CCAR2: variants seen among roughly 807,000 people sequenced by gnomAD.
CCAR2 encodes cell cycle and apoptosis regulator protein 2.
Under a neutral mutation model 108.1 loss-of-function variants are expected in CCAR2, and 21 were observed. The ratio of observed to expected loss-of-function variants is 0.19; its 90% CI spans 0.14 to 0.28. The LOEUF is 0.28. CCAR2 is among the 10% of genes least tolerant of loss of function. CCAR2 has a pLI of 1.00. For synonymous variants in CCAR2, 577 were observed against 472.8 expected (o/e 1.22, Z -2.86); for missense variants, 1,126 against 1,177.0 (o/e 0.96, Z 0.63).
At position 22,620,326 on chromosome 8, in the gene CCAR2, G is replaced by A. The variant is rs1053032062; in HGVS notation, c.*644G>A. Reference sequence around the variant, plus strand: ...GCTCCTGTGTTCAGAATGTGGTATTGGCTCTGGCCCAGCCTTCTCCCCTGT... The same window carrying A: ...GCTCCTGTGTTCAGAATGTGGTATTAGCTCTGGCCCAGCCTTCTCCCCTGT... On this transcript the variant is annotated 3_prime_UTR_variant, in exon 21 of 21. Transcript: ENST00000308511. 1 of 152,516 alleles carries A rather than the reference G, an allele frequency of 6.6e-6. No individual in the cohort carries two copies. Among genetic ancestry groups the A allele is most frequent in the Non-Finnish European group, 1.5e-5 (1 of 68,094 alleles). The allele number at this position is 152,516 out of a possible 1,614,324, so 9.4% of individuals were successfully genotyped here. A position where few individuals can be genotyped will look rare whatever the true frequency, so the allele number is the denominator to read the frequency against.
In CCAR2 at chr8:22,620,347, C is replaced by G. The variant is rs1563933660; in HGVS notation, c.*665C>G. ...TATTGGCTCTGGCCCAGCCTTCTCC[C>G]CTGTTACCCATAATTCTTGCCTCTT... On this transcript the variant is annotated 3_prime_UTR_variant, in exon 21 of 21. Coordinates refer to ENST00000308511, the MANE Select transcript of CCAR2 (RefSeq NM_001393997.1). 6.6e-6 allele frequency: 1 copy of G among 152,464 alleles called. No homozygotes were observed. Among genetic ancestry groups the G allele is most frequent in the African/African-American group, 2.4e-5 (1 of 41,406 alleles). The allele number at this position is 152,464 out of a possible 1,614,324, so 9.4% of individuals were successfully genotyped here. A position where few individuals can be genotyped will look rare whatever the true frequency, so the allele number is the denominator to read the frequency against.
chr8:22,609,042 CTTT>C (rs976239965), intron 7 of CCAR2, among the ~76,000 whole-genome samples: 9 of 134,872 alleles, frequency 6.7e-5, no homozygotes, highest in Non-Finnish European at 1.5e-4. Context: ...ACCCTTAACC[CTTT>C]TTTTTTCTTT....
chr8:22,607,826 A>G (rs1195503238), intron 6 of CCAR2, 143 bp from the exon 7 acceptor site: 3 of 655,808 alleles, frequency 4.6e-6, no homozygotes, highest in African/African-American at 1.8e-5. Flanking sequence ...GGGTTTCACC[A>G]TGTTCGCCAG....
At chr8:22,608,674 C>T (rs1801169036) in intron 7 of CCAR2, among the ~76,000 whole-genome samples, 1 of 152,212 alleles carries the variant, frequency 6.6e-6, no homozygotes, top group African/African-American at 2.4e-5. Flanking sequence ...GCTGTCCCGT[C>T]TTCTCTCCAG....
chr8:22,617,845 T>G, intron 16 of CCAR2, 67 bp downstream of exon 16: 1 of 1,511,756 alleles, frequency 6.6e-7, no homozygotes, highest in Non-Finnish European at 9.2e-7. Flanking sequence ...TCTGGCCCAC[T>G]CCTGGGAGAA....
chr8:22,612,237 G>A (rs1347369827), intron 7 of CCAR2, among the ~76,000 whole-genome samples: 6 of 151,842 alleles, frequency 4.0e-5, no homozygotes, highest in Non-Finnish European at 5.9e-5. Context: ...GTGAGCCACC[G>A]CGCCCAGCCT....
At chr8:22,618,305 A>C in intron 16 of CCAR2, 44 bp from the exon 17 acceptor site, 1 of 1,613,296 alleles carries the variant, frequency 6.2e-7, no homozygotes, top group Non-Finnish European at 8.5e-7. Flanking sequence ...AGAGCCACTG[A>C]GGGAACTATT....
intron 14 of CCAR2, chr8:22,616,608 G>A (rs1025231302): frequency 1.9e-4 from 50 of 266,598 alleles, no homozygotes; most frequent in African/African-American, 1.1e-3. Flanking sequence ...ATGAGGTCAG[G>A]AGTTTGAGAC....
chr8:22,615,997 C>T lies in CCAR2; in HGVS notation c.1609-15C>T, dbSNP rs1480789480. The T allele has an allele frequency of 6.2e-7, 1 of 1,613,570 alleles. No individual in the cohort carries two copies. The highest frequency in any genetic ancestry group is 1.3e-5 in the African/African-American group (1 of 74,990). On this transcript the variant is annotated splice_polypyrimidine_tract_variant and intron_variant, in intron 13 of 20. Coordinates refer to ENST00000308511, the MANE Select transcript of CCAR2 (RefSeq NM_001393997.1). ...TTCTTCCTGATGCTCATGGACCCTC[C>T]CACCTCCCCATCAGGTGATGGTGCT...
At chr8:22,620,569 A>G (rs1801748426), downstream of CCAR2, 1 of 152,218 alleles carries the variant, frequency 6.6e-6, no homozygotes, top group African/African-American at 2.4e-5. Context: ...AGTTCGCTCC[A>G]GAAGGTGGGC....
Position 22,615,743 on chromosome 8 carries a change from G to T in CCAR2, c.1439G>T (p.Arg480Leu), listed in dbSNP as rs201915098. ...GAGCAAGCAGCAGACACTTCTAGAC[G>T]GAACGCAGAAACTCCAGAGGCCACC... is the stretch of plus-strand genomic sequence containing the variant. ...ALEQAADTSR[R>L]NAETPEATTQ... The change falls in exon 13 of 21, where the codon CGG (arginine) becomes CTG (leucine). Residue 480 changes from arginine (R) to leucine (L), a missense_variant. Physicochemically the swap from Arg to Leu is moderately radical, Grantham distance 102. This residue lies in a region of CCAR2 where 1,013 missense variants were observed against 993.9 expected (regional missense o/e 1.02). Coordinates refer to ENST00000308511, the MANE Select transcript of CCAR2 (RefSeq NM_001393997.1). The T allele has an allele frequency of 1.9e-6, 3 of 1,613,794 alleles. No individual in the cohort carries two copies. The highest frequency in any genetic ancestry group is 2.2e-5 in the East Asian group (1 of 44,866).
chr8:22,615,367 G>A (rs1801458706), intron 11 of CCAR2, 58 bp from the exon 12 acceptor site: 2 of 1,568,020 alleles, frequency 1.3e-6, no homozygotes, highest in South Asian at 1.2e-5. Context: ...GCCTGTGAAC[G>A]TGGTGTCTGC....
At chr8:22,607,159 A>G in intron 5 of CCAR2, 37 bp from the exon 6 acceptor site, 1 of 1,612,310 alleles carries the variant, frequency 6.2e-7, no homozygotes, top group Middle Eastern at 1.7e-4. Flanking sequence ...TGCCTCAACC[A>G]TGGGGTCCCC....
Position 22,618,872 on chromosome 8 carries a change from G to T in CCAR2, c.2378G>T (p.Gly793Val), listed in dbSNP as rs200099711. Residue 793 changes from glycine (G) to valine (V), a missense_variant, in exon 19 of 21, where the codon GGT becomes GTT. By Grantham distance (109) the Gly-to-Val change is moderately radical. Transcript: ENST00000308511. ...LPPPGKSTKPGAAPTEHKALV... is the reference protein window; with the variant it reads ...LPPPGKSTKPVAAPTEHKALV... ...CCTCCTGGGAAAAGCACGAAGCCAG[G>T]TGCTGCCCCCACAGAACACAAAGCC... The T allele has an allele frequency of 1.4e-5, 22 of 1,614,026 alleles. No individual in the cohort carries two copies. Among genetic ancestry groups the T allele is most frequent in the Non-Finnish European group, 1.9e-5 (22 of 1,180,040 alleles).
At position 22,606,627 on chromosome 8, in the gene CCAR2, C is replaced by G; in HGVS notation, c.171C>G (p.Val57=). ...RHLQGGEKQR[V]FTGIVTSLHD... Reference sequence around the variant, plus strand: ...TACAGGGTGGGGAGAAACAGCGGGTCTTCACTGGTATTGTTACCAGCTTGC... The same window carrying G: ...TACAGGGTGGGGAGAAACAGCGGGTGTTCACTGGTATTGTTACCAGCTTGC... Residue 57 remains valine (V), a synonymous_variant, in exon 4 of 21, where the codon GTC becomes GTG. Transcript: ENST00000308511. The G allele has an allele frequency of 6.2e-7, 1 of 1,614,114 alleles. No individual in the cohort carries two copies. Among genetic ancestry groups the G allele is most frequent in the Non-Finnish European group, 8.5e-7 (1 of 1,179,958 alleles).
chr8:22,618,661 G>T lies in CCAR2; in HGVS notation c.2265G>T (p.Gln755His). The T allele has an allele frequency of 6.2e-7, 1 of 1,614,120 alleles. No individual in the cohort carries two copies. The highest frequency in any genetic ancestry group is 1.1e-5 in the South Asian group (1 of 91,086). Residue 755 changes from glutamine (Q) to histidine (H), a missense_variant, in exon 18 of 21, where the codon CAG becomes CAT. This residue lies in a region of CCAR2 where 1,013 missense variants were observed against 993.9 expected (regional missense o/e 1.02). Coordinates refer to ENST00000308511, the MANE Select transcript of CCAR2 (RefSeq NM_001393997.1). ...VSRVVTQNIC[Q>H]YRSLQYSRQE... ...GGGTGGTGACCCAGAACATCTGCCA[G>T]TACCGGAGCCTTCAGTACAGCCGCC...
In CCAR2 at chr8:22,615,710, A is replaced by C. The variant is rs1801475333; in HGVS notation, c.1406A>C (p.Asp469Ala). 1.2e-6 allele frequency: 2 copies of C among 1,613,694 alleles called. No individual in the cohort carries two copies. Among genetic ancestry groups the C allele is most frequent in the East Asian group, 4.5e-5 (2 of 44,878 alleles). ...ACGGAGCCTACTGAACAGGCACCTGATGCCTTGGAGCAAGCAGCAGACACT... is the reference window on the plus strand; with the variant it reads ...ACGGAGCCTACTGAACAGGCACCTGCTGCCTTGGAGCAAGCAGCAGACACT... The part of the protein sequence containing the change: ...GETEPTEQAP[D>A]ALEQAADTSR... Residue 469 changes from aspartate (D) to alanine (A), a missense_variant, in exon 13 of 21, where the codon GAT becomes GCT. Transcript: ENST00000308511.
intron 10 of CCAR2, 24 bp downstream of exon 10, chr8:22,614,527 G>C (rs772882970): frequency 1.9e-6 from 3 of 1,591,770 alleles, no homozygotes; most frequent in African/African-American, 2.7e-5. Flanking sequence ...AGCAGGAGGA[G>C]ATGCATTCAC....
At position 22,614,819 on chromosome 8, in the gene CCAR2, C is replaced by T. The variant is rs768412382; in HGVS notation, c.1042-19C>T. Reference sequence around the variant, plus strand: ...GGTAATGTAGTTTTTTGTTTTGTATCCCTGATCTCTTCTTGCAGTTTTTGC... The same window carrying T: ...GGTAATGTAGTTTTTTGTTTTGTATTCCTGATCTCTTCTTGCAGTTTTTGC... On this transcript the variant is annotated intron_variant, in intron 10 of 20. Coordinates refer to ENST00000308511, the MANE Select transcript of CCAR2 (RefSeq NM_001393997.1). 1 of 1,611,976 alleles carries T rather than the reference C, an allele frequency of 6.2e-7. No individual in the cohort carries two copies. Among genetic ancestry groups the T allele is most frequent in the South Asian group, 1.1e-5 (1 of 90,972 alleles).
Sources: allele counts gnomAD v4.1 joint callset (sites outside exome capture counted in the v4.1 genomes callset), GRCh38; gene constraint gnomAD v4.1.1; regional missense constraint gnomAD v4.1.1; transcripts MANE v1.5; gene names NCBI Gene and HGNC (gene_info 2026-07-23, HGNC 2026-07-21).